GRM7: variants seen among roughly 807,000 people sequenced by gnomAD.
GRM7 encodes the protein metabotropic glutamate receptor 7.
Under a neutral mutation model 84.5 loss-of-function variants are expected in GRM7, and 35 were observed. The ratio of observed to expected loss-of-function variants is 0.41; its 90% CI spans 0.32 to 0.55. The LOEUF (loss-of-function observed/expected upper bound fraction) is 0.55. Ranked by LOEUF, GRM7 falls within the 20% of genes least tolerant of loss-of-function variation. The pLI, the probability that GRM7 is intolerant of heterozygous loss-of-function variation, is 0.19. For synonymous variants in GRM7, 487 were observed against 455.1 expected (o/e 1.07, Z -0.89); for missense variants, 1,003 against 1,194.6 (o/e 0.84, Z 2.36).
At chr3:6,881,920 A>AG (rs1559303768) in intron 1 of GRM7, among the ~76,000 whole-genome samples, 3 of 76,574 alleles carry the variant, frequency 3.9e-5, no homozygotes, top group African/African-American at 1.9e-4. Context: ...AGGCAATTGA[A>AG]TTGTGTGTGT....
At chr3:7,671,894 TCAGA>T (rs1699932612) in intron 8 of GRM7, among the ~76,000 whole-genome samples, 1 of 152,106 alleles carries the variant, frequency 6.6e-6, no homozygotes, top group Admixed American at 6.6e-5. Flanking sequence ...GGAGTTTATA[TCAGA>T]CATTCTAGTA....
chr3:7,157,484 G>A (rs1190297889), intron 2 of GRM7, among the ~76,000 whole-genome samples: 1 of 151,728 alleles, frequency 6.6e-6, no homozygotes, highest in East Asian at 1.9e-4. Flanking sequence ...TGAAATGAAG[G>A]GATTTTTTTT....
At chr3:7,692,927 A>ATAATC (rs1700861774) in intron 9 of GRM7, among the ~76,000 whole-genome samples, 2 of 151,350 alleles carry the variant, frequency 1.3e-5, no homozygotes, top group Non-Finnish European at 2.9e-5. Context: ...GGAGGGAAAC[A>ATAATC]TAATCTAACT....
chr3:7,195,079 C>G (rs912871226), intron 2 of GRM7, among the ~76,000 whole-genome samples: 3 of 152,106 alleles, frequency 2.0e-5, no homozygotes, highest in Admixed American at 1.3e-4. Flanking sequence ...GTCATCCGGT[C>G]CCTAATACCT....
chr3:7,121,749 A>G (rs567635041), intron 1 of GRM7, among the ~76,000 whole-genome samples: 1 of 152,304 alleles, frequency 6.6e-6, no homozygotes, highest in East Asian at 1.9e-4. Context: ...GATAAAGCTG[A>G]AAACAATGCC....
At chr3:7,239,447 A>T (rs1210221090) in intron 2 of GRM7, among the ~76,000 whole-genome samples, 1 of 152,130 alleles carries the variant, frequency 6.6e-6, no homozygotes, top group Non-Finnish European at 1.5e-5. Flanking sequence ...GGCTAATCCT[A>T]CCTACTTTAT....
intron 1 of GRM7, among the ~76,000 whole-genome samples, chr3:7,024,643 G>A (rs954820756): frequency 4.6e-5 from 7 of 152,152 alleles, no homozygotes; most frequent in Non-Finnish European, 2.9e-5. Context: ...TCACAAAATC[G>A]CAGTCTAGTG....
intron 4 of GRM7, among the ~76,000 whole-genome samples, chr3:7,386,119 T>C (rs1459585992): frequency 1.3e-5 from 2 of 152,162 alleles, no homozygotes; most frequent in African/African-American, 2.4e-5. Flanking sequence ...AAAATAATGA[T>C]TGAGGCAGGA....
At chr3:6,875,490 T>G (rs1695270437) in intron 1 of GRM7, among the ~76,000 whole-genome samples, 1 of 152,146 alleles carries the variant, frequency 6.6e-6, no homozygotes. Context: ...CCTGCTGTCA[T>G]GTAAGGTGTA....
intron 1 of GRM7, among the ~76,000 whole-genome samples, chr3:6,930,922 T>C (rs1265832073): frequency 6.6e-6 from 1 of 152,224 alleles, no homozygotes; most frequent in Non-Finnish European, 1.5e-5. Flanking sequence ...TGGTCATTTT[T>C]CTCACCTTCA....
chr3:7,553,060 G>T (rs768401016), intron 7 of GRM7, among the ~76,000 whole-genome samples: 2 of 152,092 alleles, frequency 1.3e-5, no homozygotes, highest in Non-Finnish European at 2.9e-5. Flanking sequence ...GCTTTGAAGC[G>T]CACCCAAGTC....
intron 2 of GRM7, among the ~76,000 whole-genome samples, chr3:7,229,726 C>CATATATATATATATATATATATATAT (rs1162837346): frequency 3.5e-5 from 1 of 28,596 alleles, no homozygotes. Flanking sequence ...TAGACACACA[C>CATATATATATATATATATATATATAT]ATATATATAT....
intron 1 of GRM7, among the ~76,000 whole-genome samples, chr3:6,971,597 T>A (rs936493130): frequency 6.6e-6 from 1 of 152,222 alleles, no homozygotes; most frequent in African/African-American, 2.4e-5. Flanking sequence ...GAGTGTAATA[T>A]AGCATCATGC....
At chr3:6,954,173 C>G (rs906440467) in intron 1 of GRM7, among the ~76,000 whole-genome samples, 1 of 152,088 alleles carries the variant, frequency 6.6e-6, no homozygotes, top group Non-Finnish European at 1.5e-5. Context: ...ATGATCAAGT[C>G]AGGATATTCA....
chr3:7,465,715 C>A (rs1021023377), intron 7 of GRM7, among the ~76,000 whole-genome samples: 5 of 152,124 alleles, frequency 3.3e-5, no homozygotes, highest in Admixed American at 2.6e-4. Context: ...TTTCAATTCT[C>A]AGTTACATCA....
rs576390410 is a variant in GRM7, at chr3:7,566,290, G to A, written c.1516-12132G>A. ...AAACTTTATTTTCAGAATAGGCAAC[G>A]GACAGGTTTTGACCCATAGGCCAGC... On this transcript the variant is annotated intron_variant, in intron 7 of 9. Transcript: ENST00000357716. Among the ~76,000 whole-genome samples the A allele has an allele frequency of 1.4e-3, 220 of 152,134 alleles. 6 individuals carry two copies. The South Asian group carries it at 0.026, about 18-fold the overall frequency.
intron 7 of GRM7, among the ~76,000 whole-genome samples, chr3:7,543,068 G>A (rs1485866050): frequency 6.6e-6 from 1 of 152,136 alleles, no homozygotes; most frequent in African/African-American, 2.4e-5. Flanking sequence ...ATGGACGAAT[G>A]AATGAACAAA....
chr3:7,562,420 G>A (rs1303464383), intron 7 of GRM7, among the ~76,000 whole-genome samples: 3 of 151,760 alleles, frequency 2.0e-5, no homozygotes, highest in Non-Finnish European at 4.4e-5. Context: ...CTCAAATATA[G>A]AGTCATATTT....
rs1213572238 is a variant in GRM7, at chr3:7,578,173, G to A, written c.1516-249G>A. ...TTTAGAATGTCAGGAATGGGAAGAG[G>A]GAATTTGTATTGCCTCAGGGAATTC... On this transcript the variant is annotated intron_variant, in intron 7 of 9. Coordinates refer to ENST00000357716, the MANE Select transcript of GRM7 (RefSeq NM_000844.4). Among the ~76,000 whole-genome samples, 4 of 152,024 alleles carry A rather than the reference G, an allele frequency of 2.6e-5. No homozygotes were observed. The East Asian group carries it at 7.7e-4, about 29-fold the overall frequency.
Sources: allele counts gnomAD v4.1 joint callset (sites outside exome capture counted in the v4.1 genomes callset), GRCh38; gene constraint gnomAD v4.1.1; transcripts MANE v1.5; gene names NCBI Gene and HGNC (gene_info 2026-07-23, HGNC 2026-07-21).